FREY1: variants seen among roughly 807,000 people sequenced by gnomAD.
FREY1 encodes protein Frey 1.
the FREY1 span, chr11:45,906,778 G>A: frequency 6.2e-7 from 1 of 1,602,112 alleles, no homozygotes; most frequent in African/African-American, 1.3e-5. Flanking sequence ...GGTTTGGGAT[G>A]ACAAGCCCCT....
the FREY1 span, chr11:45,906,637 A>G: frequency 8.8e-6 from 14 of 1,597,026 alleles, no homozygotes; most frequent in East Asian, 2.0e-4. Flanking sequence ...TGGGCCCTAG[A>G]CAGGAGGGGT....
chr11:45,906,665 T>A, the FREY1 span: 3 of 1,589,724 alleles, frequency 1.9e-6, no homozygotes, highest in Non-Finnish European at 2.6e-6. Context: ...CTCGCGGCCT[T>A]GGGTGCTTGG....
chr11:45,907,216 G>A, the FREY1 span: 6 of 1,554,984 alleles, frequency 3.9e-6, no homozygotes, highest in African/African-American at 2.7e-5. Context: ...CAGCCCGGGG[G>A]TGCAGAGCCC....
the FREY1 span, chr11:45,907,221 G>A: frequency 6.4e-7 from 1 of 1,554,542 alleles, no homozygotes; most frequent in Non-Finnish European, 8.7e-7. Context: ...CGGGGGTGCA[G>A]AGCCCCCAGC....
At chr11:45,906,686 A>G in the FREY1 span, 34 of 1,584,778 alleles carry the variant, frequency 2.1e-5, no homozygotes, top group Middle Eastern at 3.4e-4. Flanking sequence ...GGAGGATGCC[A>G]TAGTCTAAAG....
At chr11:45,906,904 A>AG in the FREY1 span, 212 of 1,613,662 alleles carry the variant, frequency 1.3e-4, no homozygotes, top group Admixed American at 1.3e-3. Flanking sequence ...CGAGAGTTCC[A>AG]GGGGGGCGGA....
chr11:45,906,893 G>T, the FREY1 span: 1 of 1,613,916 alleles, frequency 6.2e-7, no homozygotes. Context: ...GAAAGTGGCT[G>T]CGAGAGTTCC....
chr11:45,906,670 G>A, the FREY1 span: 1 of 1,588,650 alleles, frequency 6.3e-7, no homozygotes, highest in South Asian at 1.1e-5. Context: ...GGCCTTGGGT[G>A]CTTGGGGAGG....
At chr11:45,907,086 A>AG in the FREY1 span, 1 of 1,511,580 alleles carries the variant, frequency 6.6e-7, no homozygotes, top group East Asian at 2.4e-5. Flanking sequence ...CAGAGAGGGG[A>AG]GGGGCAGCAC....
the FREY1 span, chr11:45,907,247 T>C: frequency 6.5e-7 from 1 of 1,544,470 alleles, no homozygotes; most frequent in East Asian, 2.4e-5. Context: ...GAGAACCATC[T>C]CCTACACGGG....
chr11:45,907,022 T>TG, the FREY1 span: 1 of 1,566,926 alleles, frequency 6.4e-7, no homozygotes, highest in African/African-American at 1.4e-5. Context: ...TGGCTCAGTG[T>TG]GGGGGCACTT....
At chr11:45,906,620 GC>G in the FREY1 span, 1 of 1,589,944 alleles carries the variant, frequency 6.3e-7, no homozygotes, top group Non-Finnish European at 8.6e-7. Flanking sequence ...CGTCCCGCTT[GC>G]GCTGCTGGGC....
chr11:45,907,218 G>T, the FREY1 span: 15 of 1,554,648 alleles, frequency 9.6e-6, no homozygotes, highest in Middle Eastern at 1.7e-4. Flanking sequence ...GCCCGGGGGT[G>T]CAGAGCCCCC....
At chr11:45,906,982 GCCA>G in the FREY1 span, 2 of 1,606,894 alleles carry the variant, frequency 1.2e-6, no homozygotes. Context: ...GGCCCAGAAG[GCCA>G]CCGCCACCTC....
At chr11:45,906,661 G>A in the FREY1 span, 2 of 1,591,440 alleles carry the variant, frequency 1.3e-6, no homozygotes, top group Non-Finnish European at 1.7e-6. Context: ...GGCCCTCGCG[G>A]CCTTGGGTGC....
chr11:45,906,678 A>G, the FREY1 span: 1 of 1,584,394 alleles, frequency 6.3e-7, no homozygotes, highest in South Asian at 1.1e-5. Context: ...GTGCTTGGGG[A>G]GGATGCCATA....
the FREY1 span, chr11:45,906,894 C>T: frequency 4.3e-5 from 69 of 1,613,788 alleles, 2 homozygotes; most frequent in East Asian, 1.1e-3. Flanking sequence ...AAAGTGGCTG[C>T]GAGAGTTCCA....
At chr11:45,906,615 C>T in the FREY1 span, 14 of 1,589,126 alleles carry the variant, frequency 8.8e-6, no homozygotes, top group South Asian at 3.4e-5. Flanking sequence ...GGGCCCGTCC[C>T]GCTTGCGCTG....
the FREY1 span, chr11:45,907,047 C>A: frequency 1.3e-5 from 20 of 1,536,848 alleles, no homozygotes; most frequent in African/African-American, 2.7e-5. Context: ...AGCCCTCGAA[C>A]GCCCAGGGTA....
Sources: gnomAD v4.1 joint callset for allele counts on GRCh38, gnomAD v4.1.1 for gene constraint, MANE v1.5 for transcripts, NCBI Gene and HGNC (gene_info 2026-07-23, HGNC 2026-07-21) for gene names.